The following TJP1 variants were observed in gnomAD, a reference collection of about 807,000 sequenced individuals.
TJP1 encodes the protein tight junction protein 1, also known as tight junction protein ZO-1.
In TJP1, 43 loss-of-function variants were observed where a neutral mutation model predicts 194.2. That is an observed-to-expected ratio of 0.22 (90% CI 0.17 to 0.29). The LOEUF is 0.29. TJP1 is among the 10% of genes least tolerant of loss of function. The pLI, the probability that TJP1 is intolerant of heterozygous loss-of-function variation, is 1.00. For synonymous variants in TJP1, 801 were observed against 779.0 expected (o/e 1.03, Z -0.47); for missense variants, 1,971 against 2,185.7 (o/e 0.90, Z 1.96).
At chr15:29,874,564 A>G (rs919613449) in intron 2 of TJP1, among the ~76,000 whole-genome samples, 1 of 152,186 alleles carries the variant, frequency 6.6e-6, no homozygotes, top group Non-Finnish European at 1.5e-5. Context: ...GTTGTTGTCT[A>G]TGTTCTCTGA....
At chr15:29,778,323 T>C (rs1358357640) in intron 2 of TJP1, among the ~76,000 whole-genome samples, 3 of 151,892 alleles carry the variant, frequency 2.0e-5, no homozygotes, top group Admixed American at 1.3e-4. Flanking sequence ...GAAGAGGAGT[T>C]GGTGGACTTA....
chr15:29,860,897 T>C (rs187826807), intron 2 of TJP1, among the ~76,000 whole-genome samples: 1 of 152,348 alleles, frequency 6.6e-6, no homozygotes, highest in East Asian at 1.9e-4. Flanking sequence ...AATTAAGGTA[T>C]GTACATTGTT....
chr15:29,705,397 G>A, intron 26 of TJP1, 131 bp downstream of exon 26: 2 of 925,936 alleles, frequency 2.2e-6, no homozygotes, highest in Non-Finnish European at 1.6e-6. Context: ...CGTCCCCAGG[G>A]CACCCCTCGC....
At chr15:29,845,674 A>G (rs1004640013) in intron 2 of TJP1, among the ~76,000 whole-genome samples, 1 of 151,982 alleles carries the variant, frequency 6.6e-6, no homozygotes, top group Non-Finnish European at 1.5e-5. Context: ...GCGTGGTGGC[A>G]GGCGCCTGTA....
intron 2 of TJP1, among the ~76,000 whole-genome samples, chr15:29,955,950 T>G (rs912694851): frequency 2.0e-5 from 3 of 152,024 alleles, no homozygotes; most frequent in African/African-American, 7.2e-5. Context: ...ATATTCACAT[T>G]AATACTCTAT....
intron 1 of TJP1, among the ~76,000 whole-genome samples, chr15:29,959,810 G>T (rs1035219655): frequency 1.1e-4 from 16 of 152,030 alleles, no homozygotes; most frequent in Non-Finnish European, 1.9e-4. Flanking sequence ...AATTTCTAGG[G>T]CGTCTTCCTT....
intron 1 of TJP1, 55 bp downstream of exon 1, chr15:29,821,947 G>A (rs1193115297): frequency 3.0e-5 from 36 of 1,211,778 alleles, no homozygotes; most frequent in South Asian, 4.0e-5. Context: ...AGATGCCGGT[G>A]GGCGGGCGGC....
At chr15:29,860,055 ACTGTCAGCCTCTCTGCATTCTTACTG>A (rs2052015760) in intron 2 of TJP1, among the ~76,000 whole-genome samples, 1 of 152,178 alleles carries the variant, frequency 6.6e-6, no homozygotes, top group Admixed American at 6.5e-5. Context: ...CTCCACATTG[ACTGTCAGCCTCTCTGCATTCTTACTG>A]GGGCTACCTC....
intron 2 of TJP1, among the ~76,000 whole-genome samples, chr15:29,911,743 A>G (rs2054021081): frequency 6.6e-6 from 1 of 152,188 alleles, no homozygotes; most frequent in South Asian, 2.1e-4. Flanking sequence ...GGATGGGGAA[A>G]CAGAGCCAAA....
intron 2 of TJP1, among the ~76,000 whole-genome samples, chr15:29,949,439 A>C: frequency 7.1e-6 from 1 of 141,144 alleles, no homozygotes; most frequent in Admixed American, 7.3e-5. Flanking sequence ...CACCACCTCC[A>C]CCTCCACCTT....
chr15:29,775,792 A>C (rs966593092), intron 2 of TJP1, among the ~76,000 whole-genome samples: 6 of 152,184 alleles, frequency 3.9e-5, no homozygotes, highest in African/African-American at 1.4e-4. Context: ...GAAAACCTAA[A>C]GGAAACATAA....
chr15:29,791,413 C>CCT (rs1379996074), intron 2 of TJP1, among the ~76,000 whole-genome samples: 3 of 51,204 alleles, frequency 5.9e-5, no homozygotes, highest in African/African-American at 2.4e-4. Context: ...CCATAATATT[C>CCT]TTTTTTTTTT....
intron 2 of TJP1, among the ~76,000 whole-genome samples, chr15:29,828,941 C>CG (rs1439489509): frequency 6.6e-6 from 1 of 151,954 alleles, no homozygotes; most frequent in Non-Finnish European, 1.5e-5. Flanking sequence ...TTAGTAGAGA[C>CG]GGGGTTTCAC....
At chr15:29,770,891 C>A (rs910091077) in intron 4 of TJP1, among the ~76,000 whole-genome samples, 1 of 151,648 alleles carries the variant, frequency 6.6e-6, no homozygotes, top group Admixed American at 6.6e-5. Context: ...AATATTAAAA[C>A]GTTAAAAATT....
chr15:29,966,254 G>C (rs983526651), intron 1 of TJP1, among the ~76,000 whole-genome samples: 4 of 152,124 alleles, frequency 2.6e-5, no homozygotes, highest in African/African-American at 9.7e-5. Context: ...TGTAATCCCA[G>C]CACTTTGGAA....
At chr15:29,792,680 A>C (rs2048171476) in intron 2 of TJP1, among the ~76,000 whole-genome samples, 2 of 152,192 alleles carry the variant, frequency 1.3e-5, no homozygotes, top group Admixed American at 1.3e-4. Context: ...TGAATCTGTA[A>C]ATTCCTTTGG....
Position 29,819,006 on chromosome 15 carries a change from C to CG in TJP1, c.27+2995dup, listed in dbSNP as rs1039918958. On this transcript the variant is annotated intron_variant, in intron 1 of 27. Transcript: ENST00000614355. ...CTAATTTTTGTATTTTTAGTAGAGA[C>CG]GGGGTTTCACCATGTTGGCCAGGCT... Among the ~76,000 whole-genome samples the CG allele has an allele frequency of 1.7e-4, 26 of 152,008 alleles. 1 individual carries two copies. Among genetic ancestry groups the CG allele is most frequent in the African/African-American group, 6.3e-4 (26 of 41,388 alleles).
At chr15:29,852,287 C>A (rs913428766) in intron 2 of TJP1, among the ~76,000 whole-genome samples, 1 of 152,040 alleles carries the variant, frequency 6.6e-6, no homozygotes, top group African/African-American at 2.4e-5. Context: ...AACAAACAGC[C>A]CAAGTAAAAA....
chr15:29,766,507 T>C lies in TJP1; in HGVS notation c.348A>G (p.Val116=), dbSNP rs1311936270. The C allele has an allele frequency of 1.3e-6, 2 of 1,587,058 alleles. No individual in the cohort carries two copies. Among genetic ancestry groups the C allele is most frequent in the South Asian group, 2.3e-5 (2 of 86,206 alleles). ...ATACTGGTTCAGGATCAGGACGACT[T>C]ACTGGTATTTGAACTTTCTTCTTCC... is the stretch of plus-strand genomic sequence containing the variant. ...IRRKKKVQIP[V]SRPDPEPVSD... is the part of the protein sequence containing the mutation. Residue 116 remains valine, a synonymous_variant, in exon 5 of 28, where the codon GTA becomes GTG. Coordinates refer to ENST00000614355, the MANE Select transcript of TJP1 (RefSeq NM_001330239.4).
Sources: allele counts gnomAD v4.1 joint callset (sites outside exome capture counted in the v4.1 genomes callset), GRCh38; gene constraint gnomAD v4.1.1; transcripts MANE v1.5; gene names NCBI Gene and HGNC (gene_info 2026-07-23, HGNC 2026-07-21).